SENP1: variants seen among roughly 807,000 people sequenced by gnomAD.
The protein encoded by SENP1 is sentrin-specific protease 1.
Under a neutral mutation model 93.0 loss-of-function variants are expected in SENP1, and 21 were observed. The ratio of observed to expected loss-of-function variants is 0.23; its 90% CI spans 0.16 to 0.33. SENP1 has a LOEUF of 0.33. SENP1 is among the 10% of genes least tolerant of loss of function. The pLI is 1.00. For synonymous variants in SENP1, 256 were observed against 259.6 expected (o/e 0.99, Z 0.13); for missense variants, 591 against 758.7 (o/e 0.78, Z 2.60).
rs1464074673 is a variant in SENP1, at chr12:48,083,729, G to A, written c.414C>T (p.Asn138=). The A allele has an allele frequency of 2.5e-6, 4 of 1,611,294 alleles. No individual in the cohort carries two copies. The highest frequency in any genetic ancestry group is 1.1e-5 in the South Asian group (1 of 89,988). Residue 138 remains asparagine (N), a synonymous_variant, in exon 6 of 18, where the codon AAC becomes AAT. Transcript: ENST00000549518. The part of the protein sequence containing the change: ...GLSNSFAGKS[N]HHCHVSAYEK... Reference sequence around the variant, plus strand: ...CATATGCAGATACATGGCAGTGATGGTTTGACTTTCCCGCAAAACTGTTTG... The same window carrying A: ...CATATGCAGATACATGGCAGTGATGATTTGACTTTCCCGCAAAACTGTTTG...
intron 1 of SENP1, chr12:48,105,291 T>G (rs542626533): frequency 2.1e-6 from 1 of 480,506 alleles, no homozygotes; most frequent in Non-Finnish European, 4.2e-6. Context: ...GTGGAAATAC[T>G]GCACAGGCAC....
chr12:48,060,060 C>T (rs1488696500), intron 13 of SENP1, among the ~76,000 whole-genome samples: 1 of 152,156 alleles, frequency 6.6e-6, no homozygotes. Context: ...CAGACTCTAC[C>T]AGTCCCTCCT....
At chr12:48,074,822 T>G (rs1330588393) in intron 6 of SENP1, 29 bp from the exon 7 acceptor site, 1 of 1,404,020 alleles carries the variant, frequency 7.1e-7, no homozygotes. Flanking sequence ...AAAAAACAGT[T>G]TAAACACATC....
intron 1 of SENP1, among the ~76,000 whole-genome samples, chr12:48,102,253 G>A (rs1945990101): frequency 6.6e-6 from 1 of 152,022 alleles, no homozygotes; most frequent in South Asian, 2.1e-4. Context: ...CCAACATGGT[G>A]AAAACCCATC....
intron 1 of SENP1, among the ~76,000 whole-genome samples, chr12:48,104,048 G>A (rs1218403237): frequency 1.3e-5 from 2 of 151,444 alleles, no homozygotes; most frequent in Admixed American, 6.6e-5. Flanking sequence ...CTGTCTCTAC[G>A]AAAAATACAA....
intron 9 of SENP1, among the ~76,000 whole-genome samples, chr12:48,069,311 G>A (rs1943520905): frequency 2.6e-5 from 4 of 152,152 alleles, no homozygotes; most frequent in Non-Finnish European, 5.9e-5. Context: ...GGAAATAAAA[G>A]CAGATCTTCA....
intron 6 of SENP1, among the ~76,000 whole-genome samples, chr12:48,075,024 T>C (rs1286859825): frequency 1.3e-5 from 2 of 151,532 alleles, no homozygotes; most frequent in Non-Finnish European, 2.9e-5. Context: ...CCAGTCAACA[T>C]AGTGAGACCC....
chr12:48,084,598 G>GC (rs1273438170), intron 5 of SENP1, among the ~76,000 whole-genome samples: 1 of 151,862 alleles, frequency 6.6e-6, no homozygotes, highest in East Asian at 1.9e-4. Flanking sequence ...ACAGGCACCC[G>GC]CCGCCACACC....
rs1941606123 is a variant in SENP1, at chr12:48,049,228, C to CATAT, written c.1408-97_1408-96insATAT. On this transcript the variant is annotated intron_variant, in intron 13 of 17. Transcript: ENST00000549518. ...TGTTGAATAGCATATGTAATTGTTTCCTAATAAACTGAATTAAGTCTTCAA... is the reference window on the plus strand; with the variant it reads ...TGTTGAATAGCATATGTAATTGTTTCATATCTAATAAACTGAATTAAGTCTTCAA... The CATAT allele has an allele frequency of 3.4e-6, 3 of 874,852 alleles. No individual in the cohort carries two copies. In the East Asian group the frequency reaches 7.3e-5, roughly 21 times the overall value. 54.2% of individuals were successfully genotyped at this position (874,852 alleles called of 1,614,324 possible).
At chr12:48,085,800 G>C (rs1592431958) in intron 5 of SENP1, among the ~76,000 whole-genome samples, 3 of 152,002 alleles carry the variant, frequency 2.0e-5, no homozygotes, top group South Asian at 4.2e-4. Flanking sequence ...CTTAGGATGA[G>C]TGGATGCAGC....
chr12:48,068,669 C>A (rs928058520), intron 9 of SENP1, among the ~76,000 whole-genome samples: 3 of 152,028 alleles, frequency 2.0e-5, no homozygotes, highest in African/African-American at 7.2e-5. Flanking sequence ...CTAGGAAATT[C>A]ATTTGTTTAA....
At position 48,063,926 on chromosome 12, in the gene SENP1, G is replaced by A. The variant is rs1943124366; in HGVS notation, c.1276-85C>T. On this transcript the variant is annotated intron_variant, in intron 12 of 17. Transcript: ENST00000549518. ...CTCACCAAACCCCATATAATCCTCAGACTATATTTATCACCATTCGATTGT... is the reference window on the plus strand; with the variant it reads ...CTCACCAAACCCCATATAATCCTCAAACTATATTTATCACCATTCGATTGT... 3 of 1,245,658 alleles carry A rather than the reference G, an allele frequency of 2.4e-6. No individual in the cohort carries two copies. The African/African-American group carries it at 4.5e-5, about 19-fold the overall frequency. The allele number at this position is 1,245,658 out of a possible 1,614,324, so 77.2% of individuals were successfully genotyped here.
chr12:48,073,838 A>G (rs1366131839), intron 8 of SENP1, among the ~76,000 whole-genome samples: 1 of 152,220 alleles, frequency 6.6e-6, no homozygotes, highest in Non-Finnish European at 1.5e-5. Flanking sequence ...GGCTGAGTAT[A>G]TATACTTTGA....
At chr12:48,052,514 T>C (rs938252610) in intron 13 of SENP1, among the ~76,000 whole-genome samples, 3 of 152,144 alleles carry the variant, frequency 2.0e-5, no homozygotes, top group Admixed American at 6.5e-5. Flanking sequence ...CAAATTAAAT[T>C]TACCCTTATC....
chr12:48,067,012 GA>G, intron 9 of SENP1, 47 bp from the exon 10 acceptor site: 1 of 1,249,254 alleles, frequency 8.0e-7, no homozygotes, highest in Non-Finnish European at 1.1e-6. Flanking sequence ...GGAGGCTTAT[GA>G]GAAAATTAAA....
At chr12:48,054,444 G>A (rs1592297748) in intron 13 of SENP1, among the ~76,000 whole-genome samples, 2 of 152,086 alleles carry the variant, frequency 1.3e-5, no homozygotes, top group African/African-American at 4.8e-5. Context: ...CATGTTTGCA[G>A]GGTATATTTT....
At chr12:48,052,308 C>T (rs1046751013) in intron 13 of SENP1, among the ~76,000 whole-genome samples, 2 of 152,182 alleles carry the variant, frequency 1.3e-5, no homozygotes, top group African/African-American at 2.4e-5. Context: ...ATTTCACTAC[C>T]AGTAAAGTCT....
chr12:48,105,723 G>A (rs951864737), intron 1 of SENP1: 3 of 507,706 alleles, frequency 5.9e-6, no homozygotes, highest in Non-Finnish European at 1.1e-5. Context: ...CCCAAGTACG[G>A]CTGGGCGCTG....
rs1429188996 is a variant in SENP1 at position 48,056,507 on chromosome 12, T to C, written c.1407+7203A>G. On this transcript the variant is annotated intron_variant, in intron 13 of 17. Coordinates refer to ENST00000549518, the MANE Select transcript of SENP1 (RefSeq NM_001267594.2). Reference sequence around the variant, plus strand: ...ATATATTACATATTACATATATAAATATATTATTTAATATATTACATATAT... The same window carrying C: ...ATATATTACATATTACATATATAAACATATTATTTAATATATTACATATAT... Among the ~76,000 whole-genome samples, 6 of 85,688 alleles carry C rather than the reference T, an allele frequency of 7.0e-5. No homozygotes were observed. The Admixed American group carries it at 9.1e-4, about 13-fold the overall frequency. The allele number at this position is 85,688 out of a possible 152,430, so 56.2% of individuals were successfully genotyped here.
Sources: allele counts gnomAD v4.1 joint callset (sites outside exome capture counted in the v4.1 genomes callset), GRCh38; gene constraint gnomAD v4.1.1; transcripts MANE v1.5; gene names NCBI Gene and HGNC (gene_info 2026-07-23, HGNC 2026-07-21).